The following RGS3 variants were observed in gnomAD, a reference collection of about 807,000 sequenced individuals.
RGS3 encodes the protein regulator of G-protein signalling 3.
A neutral mutation model predicts 132.6 loss-of-function variants in RGS3; 80 were observed. The observed-to-expected ratio is 0.60, with a 90% confidence interval of 0.50 to 0.73. RGS3 has a LOEUF of 0.73. Ranked by LOEUF, RGS3 falls within the 30% of genes least tolerant of loss-of-function variation. The pLI, the probability that RGS3 is intolerant of heterozygous loss-of-function variation, is 0.00. For missense variants in RGS3, 1,382 were observed against 1,530.8 expected (o/e 0.90, Z 1.62); for synonymous variants, 598 against 620.6 (o/e 0.96, Z 0.54).
At chr9:113,492,944 A>C (rs1306132012) in intron 7 of RGS3, among the ~76,000 whole-genome samples, 2 of 152,332 alleles carry the variant, frequency 1.3e-5, no homozygotes, top group Admixed American at 1.3e-4. Flanking sequence ...CAGGGAATGA[A>C]GATTTCGCTT....
At chr9:113,517,824 G>A (rs1435389203) in intron 16 of RGS3, among the ~76,000 whole-genome samples, 200 bp downstream of exon 14, 2 of 152,130 alleles carry the variant, frequency 1.3e-5, no homozygotes, top group Admixed American at 6.5e-5. Flanking sequence ...AAAAGCTGTC[G>A]AATCCTTCTT....
intron 20 of RGS3, 96 bp downstream of exon 18, chr9:113,584,523 C>T (rs1324633912): frequency 7.5e-7 from 1 of 1,331,002 alleles, no homozygotes; most frequent in African/African-American, 1.5e-5. Context: ...TGTTCCACCC[C>T]CACTATCCTG....
At chr9:113,556,563 A>G (rs1471718274) in intron 19 of RGS3, among the ~76,000 whole-genome samples, 1 of 152,172 alleles carries the variant, frequency 6.6e-6, no homozygotes, top group African/African-American at 2.4e-5. Context: ...TAGGAGGTGC[A>G]GGCCAGGTTC....
intron 3 of RGS3, among the ~76,000 whole-genome samples, chr9:113,466,609 TC>T (rs1157673401): frequency 1.3e-5 from 2 of 152,188 alleles, no homozygotes; most frequent in Admixed American, 1.3e-4. Flanking sequence ...GATTTTTTTT[TC>T]TTTATTGTGA....
chr9:113,456,500 G>A (rs1245206674), upstream of RGS3, among the ~76,000 whole-genome samples: 1 of 152,106 alleles, frequency 6.6e-6, no homozygotes, highest in African/African-American at 2.4e-5. Flanking sequence ...AATCACCATG[G>A]CCTGTTGATT....
chr9:113,584,406 C>T (rs1352709749), exon 20 of RGS3: 6 of 1,523,120 alleles, frequency 3.9e-6, no homozygotes, highest in Non-Finnish European at 5.2e-6. Context: ...ACCTTTCCCT[C>T]TTCTTCACAG....
chr9:113,508,688 T>A (rs2119336374), intron 14 of RGS3, 108 bp downstream of exon 12: 6 of 1,082,696 alleles, frequency 5.5e-6, no homozygotes, highest in Non-Finnish European at 8.4e-6. Flanking sequence ...TCCAATGGAG[T>A]CAGGTCACTT....
At chr9:113,564,515 G>T (rs1833911243) in intron 19 of RGS3, among the ~76,000 whole-genome samples, 1 of 152,196 alleles carries the variant, frequency 6.6e-6, no homozygotes, top group Non-Finnish European at 1.5e-5. Flanking sequence ...CTTGCTCAGT[G>T]ACACCCAATT....
chr9:113,569,001 T>C (rs1398343116), intron 19 of RGS3, among the ~76,000 whole-genome samples: 1 of 152,210 alleles, frequency 6.6e-6, no homozygotes, highest in East Asian at 1.9e-4. Flanking sequence ...GCAGTGGGCC[T>C]AAGTCATCAC....
rs1831168604 is a variant in RGS3, at chr9:113,507,227, C to T, written c.1086-60C>T. The T allele has an allele frequency of 1.4e-6, 2 of 1,414,606 alleles. No individual in the cohort carries two copies. The highest frequency in any genetic ancestry group is 2.0e-5 in the Admixed American group (1 of 48,962). 87.6% of individuals were successfully genotyped at this position (1,414,606 alleles called of 1,614,324 possible). On this transcript the variant is annotated intron_variant, in intron 12 of 24. Coordinates refer to ENST00000350696, the Ensembl canonical transcript of RGS3. The surrounding 1 kb of genome is among the most constrained non-coding windows in gnomAD (Gnocchi z 5.0). ...ATCCTCTCTGCCCTGTGGGCCCTCA[C>T]TCTGGCTGATACTGGCTTTCCCCAG...
intron 19 of RGS3, among the ~76,000 whole-genome samples, chr9:113,569,250 G>T (rs987609470): frequency 2.6e-5 from 4 of 152,188 alleles, no homozygotes; most frequent in Non-Finnish European, 4.4e-5. Context: ...GGTTAGCCTT[G>T]GGCAAATAGC....
At chr9:113,472,519 C>G (rs1320657159) in intron 3 of RGS3, among the ~76,000 whole-genome samples, 2 of 152,122 alleles carry the variant, frequency 1.3e-5, no homozygotes, top group African/African-American at 2.4e-5. Flanking sequence ...AAGTCAATCA[C>G]AAAAGACCAT....
intron 19 of RGS3, chr9:113,541,677 T>C: frequency 9.0e-7 from 1 of 1,116,086 alleles, no homozygotes; most frequent in Non-Finnish European, 1.1e-6. Context: ...CAGAGGCTTC[T>C]TCCTTCCAAG....
upstream of RGS3, among the ~76,000 whole-genome samples, chr9:113,459,103 C>G (rs1203391279): frequency 6.6e-6 from 1 of 152,056 alleles, no homozygotes; most frequent in Non-Finnish European, 1.5e-5. Flanking sequence ...TTATCTTTTA[C>G]CTTTGGTCTA....
chr9:113,553,296 A>T (rs2118758312), intron 19 of RGS3, among the ~76,000 whole-genome samples: 1 of 150,512 alleles, frequency 6.6e-6, no homozygotes, highest in East Asian at 2.0e-4. Flanking sequence ...AAAAAAAATT[A>T]TCCAGGCATG....
At chr9:113,530,067 A>G (rs181160082) in intron 18 of RGS3, among the ~76,000 whole-genome samples, 6 of 152,360 alleles carry the variant, frequency 3.9e-5, no homozygotes, top group Admixed American at 1.3e-4. Flanking sequence ...CATTAGACAC[A>G]TTCCTGCCTC....
At chr9:113,512,039 G>A (rs910322470) in intron 14 of RGS3, among the ~76,000 whole-genome samples, 1 of 152,126 alleles carries the variant, frequency 6.6e-6, no homozygotes, top group African/African-American at 2.4e-5. Context: ...TTTTCCATCA[G>A]GTCTCTTGTG....
At chr9:113,504,587 C>G (rs1022028564) in intron 10 of RGS3, among the ~76,000 whole-genome samples, 1 of 152,214 alleles carries the variant, frequency 6.6e-6, no homozygotes, top group African/African-American at 2.4e-5. Flanking sequence ...CTGCTTCACT[C>G]TGGAGAGGTT....
chr9:113,543,882 T>C (rs757954856), intron 19 of RGS3, among the ~76,000 whole-genome samples: 3 of 152,202 alleles, frequency 2.0e-5, no homozygotes, highest in Non-Finnish European at 4.4e-5. Context: ...TGGTGGGCCC[T>C]GGGCAGTGAC....
Sources: allele counts gnomAD v4.1 joint callset (sites outside exome capture counted in the v4.1 genomes callset), GRCh38; gene constraint gnomAD v4.1.1; non-coding constraint Gnocchi (gnomAD v3.1); transcripts MANE v1.5; gene names NCBI Gene and HGNC (gene_info 2026-07-23, HGNC 2026-07-21).